The following PTPRD variants were observed in gnomAD, a reference collection of about 807,000 sequenced individuals.
PTPRD encodes protein tyrosine phosphatase receptor type D.
Under a neutral mutation model 214.5 loss-of-function variants are expected in PTPRD, and 34 were observed. The observed-to-expected ratio is 0.16, with a 90% CI of 0.12 to 0.21. PTPRD has a LOEUF of 0.21. Among genes scored for constraint, PTPRD ranks in the 10% least tolerant of loss-of-function variants. PTPRD has a pLI of 1.00. For synonymous variants in PTPRD, 1,128 were observed against 845.7 expected (o/e 1.33, Z -5.79); for missense variants, 2,545 against 2,398.7 (o/e 1.06, Z -1.27).
intron 5 of PTPRD, among the ~76,000 whole-genome samples, chr9:9,935,539 A>G (rs1042973708): frequency 2.6e-5 from 4 of 152,176 alleles, no homozygotes; most frequent in African/African-American, 9.7e-5. Context: ...GGACCTCTCC[A>G]AGGAGAACTA....
intron 33 of PTPRD, chr9:8,454,471 G>T: frequency 3.7e-6 from 4 of 1,085,082 alleles, no homozygotes; most frequent in African/African-American, 1.6e-5. Context: ...CACGTGCCAG[G>T]TATTATCTTT....
At chr9:9,960,894 T>A (rs1198198285) in intron 4 of PTPRD, among the ~76,000 whole-genome samples, 4 of 151,434 alleles carry the variant, frequency 2.6e-5, no homozygotes, top group South Asian at 4.2e-4. Context: ...TGGGAGAAAA[T>A]TTTTGCAATC....
intron 2 of PTPRD, among the ~76,000 whole-genome samples, chr9:10,512,751 A>G (rs1714229728): frequency 6.6e-6 from 1 of 152,164 alleles, no homozygotes; most frequent in Non-Finnish European, 1.5e-5. Context: ...CCTAATAAAA[A>G]TCACACAAAA....
chr9:9,336,997 A>G (rs1408677977), intron 9 of PTPRD, among the ~76,000 whole-genome samples: 1 of 152,154 alleles, frequency 6.6e-6, no homozygotes, highest in Admixed American at 6.6e-5. Context: ...GAAGACCTAT[A>G]TAGGGACAAT....
chr9:9,630,862 A>C (rs1220199201), intron 7 of PTPRD, among the ~76,000 whole-genome samples: 1 of 152,224 alleles, frequency 6.6e-6, no homozygotes, highest in Non-Finnish European at 1.5e-5. Context: ...GAATGTACTT[A>C]TATGTAAAAG....
intron 5 of PTPRD, among the ~76,000 whole-genome samples, chr9:9,904,643 C>A (rs147145099): frequency 1.3e-3 from 203 of 151,888 alleles, no homozygotes; most frequent in African/African-American, 4.8e-3. Flanking sequence ...TGCAATAATG[C>A]ATTTAAAAAA....
At chr9:10,375,403 C>T (rs761545574) in intron 2 of PTPRD, among the ~76,000 whole-genome samples, 1 of 151,978 alleles carries the variant, frequency 6.6e-6, no homozygotes. Context: ...TTACAAGGTA[C>T]CTTCATGTCC....
At chr9:10,390,589 T>C (rs1387608800) in intron 2 of PTPRD, among the ~76,000 whole-genome samples, 1 of 151,780 alleles carries the variant, frequency 6.6e-6, no homozygotes, top group African/African-American at 2.4e-5. Context: ...ACTATGAAGC[T>C]TAAGGAAATC....
intron 5 of PTPRD, among the ~76,000 whole-genome samples, chr9:9,896,356 T>A (rs2074975574): frequency 6.6e-6 from 1 of 152,080 alleles, no homozygotes; most frequent in Non-Finnish European, 1.5e-5. Flanking sequence ...TCAAAATTAT[T>A]TTTTTCAGCT....
intron 7 of PTPRD, among the ~76,000 whole-genome samples, chr9:9,724,853 T>C (rs372260485): frequency 6.6e-6 from 1 of 152,134 alleles, no homozygotes. Flanking sequence ...AGCTGGGATT[T>C]GAGCCTAGGC....
intron 8 of PTPRD, among the ~76,000 whole-genome samples, chr9:9,561,516 T>G (rs1340564950): frequency 1.3e-5 from 2 of 152,208 alleles, no homozygotes; most frequent in Non-Finnish European, 2.9e-5. Flanking sequence ...TGATTTATCA[T>G]CAAACCATTT....
At chr9:9,362,335 G>A (rs1453121214) in intron 9 of PTPRD, among the ~76,000 whole-genome samples, 4 of 150,824 alleles carry the variant, frequency 2.7e-5, no homozygotes, top group Non-Finnish European at 5.9e-5. Flanking sequence ...AATAAGTATT[G>A]GGATCCTAGG....
intron 39 of PTPRD, among the ~76,000 whole-genome samples, chr9:8,370,443 C>T (rs984119606): frequency 2.6e-5 from 4 of 152,042 alleles, no homozygotes; most frequent in African/African-American, 9.7e-5. Flanking sequence ...CACTTATTAC[C>T]TCCCTGTGCG....
intron 4 of PTPRD, among the ~76,000 whole-genome samples, chr9:9,989,337 G>T (rs1028429431): frequency 1.3e-5 from 2 of 151,902 alleles, no homozygotes; most frequent in Admixed American, 6.6e-5. Flanking sequence ...AGCCTTCTCT[G>T]CCCCCACATT....
At chr9:10,305,495 G>A (rs186632034) in intron 3 of PTPRD, among the ~76,000 whole-genome samples, 2 of 152,014 alleles carry the variant, frequency 1.3e-5, no homozygotes, top group Admixed American at 1.3e-4. Context: ...CCTACAGAAT[G>A]GGAGAAAATT....
intron 9 of PTPRD, among the ~76,000 whole-genome samples, chr9:9,387,458 C>CT (rs1049220933): frequency 1.3e-5 from 2 of 152,008 alleles, no homozygotes; most frequent in African/African-American, 2.4e-5. Flanking sequence ...AGAGTACAGA[C>CT]TTTTTTCTTT....
chr9:9,298,689 A>G (rs1954073509), intron 9 of PTPRD, among the ~76,000 whole-genome samples: 1 of 151,784 alleles, frequency 6.6e-6, no homozygotes, highest in Non-Finnish European at 1.5e-5. Context: ...AGACAAGAGC[A>G]TGCAGAAGAA....
At chr9:8,417,118 C>T (rs1269272322) in intron 35 of PTPRD, among the ~76,000 whole-genome samples, 1 of 151,996 alleles carries the variant, frequency 6.6e-6, no homozygotes, top group East Asian at 1.9e-4. Context: ...TGCATTCATC[C>T]CACAGTTGTT....
At chr9:9,514,411 C>A (rs1289688656) in intron 8 of PTPRD, among the ~76,000 whole-genome samples, 5 of 152,012 alleles carry the variant, frequency 3.3e-5, no homozygotes, top group Non-Finnish European at 7.4e-5. Flanking sequence ...AAACACTAAA[C>A]AGAAAGATGA....
Sources: gnomAD v4.1 joint callset for allele counts (sites outside exome capture counted in the v4.1 genomes callset) on GRCh38, gnomAD v4.1.1 for gene constraint, MANE v1.5 for transcripts, NCBI Gene and HGNC (gene_info 2026-07-23, HGNC 2026-07-21) for gene names.